UBAP1: variants seen among roughly 807,000 people sequenced by gnomAD.
UBAP1 encodes ubiquitin associated protein 1, also known as ubiquitin-associated protein 1.
In UBAP1, 5 loss-of-function variants were observed where a neutral mutation model predicts 39.0. That is an observed-to-expected ratio of 0.13 (90% confidence interval 0.07 to 0.27). UBAP1 has a LOEUF of 0.27. UBAP1 is among the 10% of genes least tolerant of loss of function. The pLI is 1.00. For missense variants in UBAP1, 490 were observed against 608.1 expected, an observed-to-expected ratio of 0.81 and a Z score of 2.04; for synonymous variants, 211 against 225.1, an observed-to-expected ratio of 0.94 and a Z score of 0.56.
intron 1 of UBAP1, among the ~76,000 whole-genome samples, chr9:34,195,872 C>T (rs1382478391): frequency 6.9e-6 from 1 of 143,906 alleles, no homozygotes; most frequent in East Asian, 2.1e-4. Context: ...GCTGGGATTA[C>T]AGGCATGAGC....
rs1563911137 is a variant in UBAP1 at position 34,226,117 on chromosome 9, G to GTGTGTGTGTGTGTGTGTGTGTGTGTGTT, written c.34+5196_34+5197insTTGTGTGTGTGTGTGTGTGTGTGTGTGT. On this transcript the variant is annotated intron_variant, in intron 2 of 6. Transcript: ENST00000297661. Reference sequence around the variant, plus strand: ...TCCTCCTACTCTATTGTGTGTGTGTGTGTGTGTGTGTGTGTGTGTGTGTGT... The same window carrying GTGTGTGTGTGTGTGTGTGTGTGTGTGTT: ...TCCTCCTACTCTATTGTGTGTGTGTGTGTGTGTGTGTGTGTGTGTGTGTGTGTTTGTGTGTGTGTGTGTGTGTGTGTGT... 5.6e-3 allele frequency among the ~76,000 whole-genome samples: 524 copies of GTGTGTGTGTGTGTGTGTGTGTGTGTGTT among 94,274 alleles called. 6 individuals carry two copies. The highest frequency in any genetic ancestry group is 0.037 in the South Asian group (66 of 1,786). The allele number at this position is 94,274 out of a possible 152,430, so 61.8% of individuals were successfully genotyped here.
intron 1 of UBAP1, among the ~76,000 whole-genome samples, chr9:34,219,202 C>A (rs538874087): frequency 1.0e-3 from 155 of 152,122 alleles, no homozygotes; most frequent in Middle Eastern, 3.4e-3. Flanking sequence ...GATTCTCCTA[C>A]CTCAGCCTCC....
chr9:34,247,862 A>G (rs760595484), intron 4 of UBAP1, among the ~76,000 whole-genome samples: 7 of 152,244 alleles, frequency 4.6e-5, no homozygotes, highest in Non-Finnish European at 1.0e-4. Flanking sequence ...ATATTCCTAT[A>G]CATAAATATT....
intron 4 of UBAP1, among the ~76,000 whole-genome samples, chr9:34,249,081 G>A (rs1225525452): frequency 6.6e-6 from 1 of 152,178 alleles, no homozygotes; most frequent in Non-Finnish European, 1.5e-5. Context: ...TGGTGGGCAG[G>A]TCCCTAGAGT....
At chr9:34,203,809 T>G (rs567824941) in intron 1 of UBAP1, among the ~76,000 whole-genome samples, 1 of 152,294 alleles carries the variant, frequency 6.6e-6, no homozygotes, top group South Asian at 2.1e-4. Context: ...TGTTTTTCCT[T>G]TAGGCCTACA....
intron 2 of UBAP1, among the ~76,000 whole-genome samples, chr9:34,233,234 T>C (rs1833519500): frequency 6.6e-6 from 1 of 151,316 alleles, no homozygotes; most frequent in African/African-American, 2.4e-5. Flanking sequence ...TCTTTTTTTT[T>C]TTTTTGAGAC....
At chr9:34,242,545 T>G (rs1329235057) in intron 4 of UBAP1, among the ~76,000 whole-genome samples, 2 of 152,070 alleles carry the variant, frequency 1.3e-5, no homozygotes, top group Non-Finnish European at 2.9e-5. Context: ...CTTTCTTTTT[T>G]TTGAGACAGA....
intron 1 of UBAP1, among the ~76,000 whole-genome samples, chr9:34,182,667 CTTTCTTTCTT>C (rs1419113978): frequency 0.012 from 646 of 55,646 alleles, 10 homozygotes; most frequent in Middle Eastern, 0.023. Context: ...TTCTTTCTTT[CTTTCTTTCTT>C]TCTTTCTCTC....
At chr9:34,226,121 G>GTGTT (rs1833057441) in intron 2 of UBAP1, among the ~76,000 whole-genome samples, 2 of 98,324 alleles carry the variant, frequency 2.0e-5, no homozygotes, top group African/African-American at 6.0e-5. Context: ...GTGTGTGTGT[G>GTGTT]TGTGTGTGTG....
At chr9:34,235,478 A>G (rs941815879) in intron 3 of UBAP1, among the ~76,000 whole-genome samples, 12 of 152,006 alleles carry the variant, frequency 7.9e-5, no homozygotes, top group Admixed American at 2.0e-4. Context: ...AGCTGGGACT[A>G]CAGGCGCCCG....
In UBAP1 at chr9:34,250,919, A is replaced by C. The variant is rs544405809; in HGVS notation, c.1368+160A>C. On this transcript the variant is annotated intron_variant, in intron 6 of 6. Transcript: ENST00000297661. The stretch of plus-strand genomic sequence containing the variant: ...ATCTCCCAAGTATTCAGACAGGCCG[A>C]GGCCTGCGTTTGGCTTGGTGGTTGA... 7 of 674,718 alleles carry C rather than the reference A, an allele frequency of 1.0e-5. No individual in the cohort carries two copies. The African/African-American group carries it at 1.3e-4, about 12-fold the overall frequency. 41.8% of individuals were successfully genotyped at this position (674,718 alleles called of 1,614,324 possible).
chr9:34,228,335 G>A lies in UBAP1; in HGVS notation c.35-5881G>A, dbSNP rs187188881. ...CAGGAGGCTGAGGCAGGAGAATAGCGTGAACCCAGGAGGCGGAGCTTGCAG... is the reference window on the plus strand; with the variant it reads ...CAGGAGGCTGAGGCAGGAGAATAGCATGAACCCAGGAGGCGGAGCTTGCAG... On this transcript the variant is annotated intron_variant, in intron 2 of 6. Transcript: ENST00000297661. Among the ~76,000 whole-genome samples the A allele has an allele frequency of 4.9e-4, 73 of 149,434 alleles. No homozygotes were observed. In the East Asian group the frequency reaches 0.013, roughly 26 times the overall value.
At chr9:34,211,371 TG>T (rs973928412) in intron 1 of UBAP1, among the ~76,000 whole-genome samples, 86 of 152,180 alleles carry the variant, frequency 5.7e-4, no homozygotes, top group African/African-American at 1.9e-3. Context: ...TCTTCAGGCT[TG>T]AAATGTGATG....
At chr9:34,187,879 T>C (rs1399111947) in intron 1 of UBAP1, among the ~76,000 whole-genome samples, 1 of 151,864 alleles carries the variant, frequency 6.6e-6, no homozygotes, top group African/African-American at 2.4e-5. Context: ...GTGTCTCCTA[T>C]CTACCATTAA....
intron 1 of UBAP1, among the ~76,000 whole-genome samples, chr9:34,204,946 A>C (rs1161367935): frequency 2.0e-5 from 3 of 152,186 alleles, no homozygotes; most frequent in African/African-American, 4.8e-5. Flanking sequence ...AAATACTTTA[A>C]ATAAATTGTA....
At chr9:34,224,155 TC>T in intron 2 of UBAP1, 4 of 666,928 alleles carry the variant, frequency 6.0e-6, no homozygotes, top group Non-Finnish European at 9.8e-6. Context: ...CCTTTTTTTT[TC>T]CTTTCATCGA....
intron 4 of UBAP1, among the ~76,000 whole-genome samples, chr9:34,242,336 T>C (rs922178301): frequency 6.6e-6 from 1 of 152,076 alleles, no homozygotes; most frequent in African/African-American, 2.4e-5. Flanking sequence ...TTTGTAGAGA[T>C]GCGGTTTTGA....
intron 1 of UBAP1, among the ~76,000 whole-genome samples, chr9:34,188,331 T>A (rs183757926): frequency 9.4e-4 from 142 of 151,754 alleles, no homozygotes; most frequent in African/African-American, 2.4e-3. Context: ...CAGAAAAGTG[T>A]AACAGGAAAT....
At chr9:34,226,105 TTGTGTGTGTGTGTGTGTGTGTG>T (rs74180553) in intron 2 of UBAP1, among the ~76,000 whole-genome samples, 10 of 88,302 alleles carry the variant, frequency 1.1e-4, no homozygotes, top group East Asian at 3.1e-4. Flanking sequence ...TCCTACTCTA[TTGTGTGTGTGTGTGTGTGTGTG>T]TGTGTGTGTG....
Sources: gnomAD v4.1 joint callset for allele counts (sites outside exome capture counted in the v4.1 genomes callset) on GRCh38, gnomAD v4.1.1 for gene constraint, MANE v1.5 for transcripts, NCBI Gene and HGNC (gene_info 2026-07-23, HGNC 2026-07-21) for gene names.